The following TLK2 variants were observed in gnomAD, a reference collection of about 807,000 sequenced individuals.
TLK2 encodes the protein tousled like kinase 2, also known as serine/threonine-protein kinase tousled-like 2.
Under a neutral mutation model 117.3 loss-of-function variants are expected in TLK2, and 6 were observed. The ratio of observed to expected loss-of-function variants is 0.05; its 90% CI spans 0.03 to 0.10. The LOEUF (loss-of-function observed/expected upper bound fraction) is 0.10, where lower values mean the gene tolerates loss of function less well. Ranked by LOEUF, TLK2 falls within the 10% of genes least tolerant of loss-of-function variation. The pLI, the probability that TLK2 is intolerant of heterozygous loss-of-function variation, is 1.00. For synonymous variants in TLK2, 257 were observed against 316.7 expected, an observed-to-expected ratio of 0.81 and a Z score of 2.00; for missense variants, 299 against 901.2, an observed-to-expected ratio of 0.33 and a Z score of 8.56.
intron 5 of TLK2, 87 bp downstream of exon 5, chr17:62,523,264 G>C (rs1339960986): frequency 5.3e-6 from 8 of 1,508,228 alleles, no homozygotes; most frequent in Non-Finnish European, 6.2e-6. Context: ...CTAAATCCTT[G>C]TGTTCATTTG....
chr17:62,491,700 C>G (rs1274516502), intron 2 of TLK2, among the ~76,000 whole-genome samples: 1 of 152,148 alleles, frequency 6.6e-6, no homozygotes, highest in African/African-American at 2.4e-5. Flanking sequence ...GCAATTCTGC[C>G]TCAGCCTCCC....
At chr17:62,522,119 T>G in intron 3 of TLK2, 85 bp from the exon 4 acceptor site, 1 of 1,386,826 alleles carries the variant, frequency 7.2e-7, no homozygotes, top group Non-Finnish European at 1.0e-6. Flanking sequence ...TGTTTATATA[T>G]TCAATATTTT....
chr17:62,565,271 G>A, intron 11 of TLK2, 134 bp downstream of exon 11: 10 of 1,144,246 alleles, frequency 8.7e-6, no homozygotes, highest in South Asian at 3.4e-5. Context: ...CACCACATGT[G>A]GAAAGAAATG....
chr17:62,526,077 A>G (rs751388838), intron 6 of TLK2, among the ~76,000 whole-genome samples: 1 of 152,210 alleles, frequency 6.6e-6, no homozygotes, highest in African/African-American at 2.4e-5. Flanking sequence ...GAACTCAATG[A>G]TCTGTAGACA....
At chr17:62,577,479 A>G (rs925537672) in intron 13 of TLK2, among the ~76,000 whole-genome samples, 11 of 152,192 alleles carry the variant, frequency 7.2e-5, no homozygotes, top group Non-Finnish European at 1.5e-4. Flanking sequence ...TTCCTTGCCT[A>G]AACTAGCTAA....
At position 62,479,293 on chromosome 17, in the gene TLK2, G is replaced by T; in HGVS notation, c.-6+3G>T. ...AGCGGCGGCGGCGGCGGCGGCAGGTGAGAGGCTGAGCCCCGGGCGGGGGAG... is the reference window on the plus strand; with the variant it reads ...AGCGGCGGCGGCGGCGGCGGCAGGTTAGAGGCTGAGCCCCGGGCGGGGGAG... On this transcript the variant is annotated splice_donor_region_variant and intron_variant, in intron 1 of 21. Transcript: ENST00000346027. The T allele has an allele frequency of 6.0e-6, 1 of 165,946 alleles. No homozygotes were observed. The highest frequency in any genetic ancestry group is 1.3e-5 in the Non-Finnish European group (1 of 79,024). The allele number at this position is 165,946 out of a possible 1,614,324, so 10.3% of individuals were successfully genotyped here.
intron 11 of TLK2, among the ~76,000 whole-genome samples, chr17:62,569,588 A>G (rs1227541121): frequency 2.0e-5 from 3 of 151,290 alleles, no homozygotes; most frequent in Non-Finnish European, 4.4e-5. Context: ...GGCACACACC[A>G]CCACTCCTGG....
intron 2 of TLK2, among the ~76,000 whole-genome samples, chr17:62,494,179 T>C (rs780085389): frequency 2.6e-5 from 4 of 152,104 alleles, no homozygotes; most frequent in African/African-American, 4.8e-5. Context: ...GTCTCCTGGG[T>C]TCAAGCGATT....
At chr17:62,556,859 T>A (rs542973226) in intron 9 of TLK2, among the ~76,000 whole-genome samples, 1 of 152,262 alleles carries the variant, frequency 6.6e-6, no homozygotes, top group Admixed American at 6.5e-5. Flanking sequence ...TTCTTCTGAA[T>A]CTCATTAAAC....
chr17:62,587,814 G>T (rs190896729), intron 16 of TLK2, among the ~76,000 whole-genome samples: 1 of 152,152 alleles, frequency 6.6e-6, no homozygotes, highest in Non-Finnish European at 1.5e-5. Context: ...TTCAGAGAAG[G>T]AAAGCACATG....
At chr17:62,539,005 A>T (rs1288605342) in intron 7 of TLK2, among the ~76,000 whole-genome samples, 2 of 152,220 alleles carry the variant, frequency 1.3e-5, no homozygotes, top group African/African-American at 4.8e-5. Context: ...ATAAAACAAG[A>T]TAACATTTTT....
At chr17:62,499,150 G>A (rs1174834236) in intron 2 of TLK2, among the ~76,000 whole-genome samples, 1 of 151,968 alleles carries the variant, frequency 6.6e-6, no homozygotes. Flanking sequence ...AGACCAGCCT[G>A]GCGACCACGG....
intron 7 of TLK2, among the ~76,000 whole-genome samples, chr17:62,540,337 T>G (rs576957102): frequency 2.0e-5 from 3 of 147,174 alleles, no homozygotes; most frequent in South Asian, 4.3e-4. Flanking sequence ...TCTTTTTATA[T>G]TATATGCCAA....
At chr17:62,592,258 C>T (rs1188816081) in intron 16 of TLK2, among the ~76,000 whole-genome samples, 1 of 152,112 alleles carries the variant, frequency 6.6e-6, no homozygotes, top group Non-Finnish European at 1.5e-5. Flanking sequence ...TGCGCCCGGC[C>T]AGAACTACAT....
At chr17:62,491,358 A>G (rs1310718709) in intron 2 of TLK2, among the ~76,000 whole-genome samples, 1 of 152,200 alleles carries the variant, frequency 6.6e-6, no homozygotes, top group Non-Finnish European at 1.5e-5. Context: ...AAGAAAGGCC[A>G]TGAGAGGGAA....
rs1189598383 is a variant in TLK2, at chr17:62,536,159, C to T, written c.364-11C>T. On this transcript the variant is annotated splice_polypyrimidine_tract_variant and intron_variant, in intron 6 of 21. Coordinates refer to ENST00000346027, the MANE Select transcript of TLK2 (RefSeq NM_006852.6). ...CTCATGTCATTTGTGTGTTTCTTTACTGTTTTCCAGCGACGAGTAGAACAG... is the reference window on the plus strand; with the variant it reads ...CTCATGTCATTTGTGTGTTTCTTTATTGTTTTCCAGCGACGAGTAGAACAG... 6.2e-7 allele frequency: 1 copy of T among 1,608,426 alleles called. No homozygotes were observed. The highest frequency in any genetic ancestry group is 1.1e-5 in the South Asian group (1 of 90,606).
chr17:62,535,692 C>T (rs1036469659), intron 6 of TLK2, among the ~76,000 whole-genome samples: 2 of 151,862 alleles, frequency 1.3e-5, no homozygotes, highest in Non-Finnish European at 2.9e-5. Flanking sequence ...TCGCTTGAAC[C>T]CAGGAGACAG....
chr17:62,580,878 T>C (rs2081166168), intron 15 of TLK2, among the ~76,000 whole-genome samples: 1 of 152,252 alleles, frequency 6.6e-6, no homozygotes, highest in Non-Finnish European at 1.5e-5. Flanking sequence ...CAGCTTTCAC[T>C]GTTAGGATTT....
intron 7 of TLK2, among the ~76,000 whole-genome samples, chr17:62,537,606 C>T (rs2077202842): frequency 6.6e-6 from 1 of 152,124 alleles, no homozygotes; most frequent in African/African-American, 2.4e-5. Context: ...GCTTCCTGTC[C>T]AGGTCTGGTT....
Sources: allele counts gnomAD v4.1 joint callset (sites outside exome capture counted in the v4.1 genomes callset), GRCh38; gene constraint gnomAD v4.1.1; transcripts MANE v1.5; gene names NCBI Gene and HGNC (gene_info 2026-07-23, HGNC 2026-07-21).